The following ALKBH3 variants were observed in gnomAD, a reference collection of about 807,000 sequenced individuals.
ALKBH3 encodes alpha-ketoglutarate-dependent dioxygenase alkB homolog 3.
ALKBH3 carries 51 observed loss-of-function variants against 43.9 expected under a neutral mutation model. That is an observed-to-expected ratio of 1.16 (90% CI 0.93 to 1.47). The LOEUF (loss-of-function observed/expected upper bound fraction) is 1.47. Ranked by LOEUF, ALKBH3 falls within the 40% of genes most tolerant of loss-of-function variation. The pLI, the probability that ALKBH3 is intolerant of heterozygous loss-of-function variation, is 0.00. For synonymous variants in ALKBH3, 102 were observed against 115.2 expected, an observed-to-expected ratio of 0.89 and a Z score of 0.73; for missense variants, 361 against 351.9, an observed-to-expected ratio of 1.03 and a Z score of -0.21.
chr11:43,889,620 T>G, intron 5 of ALKBH3, 105 bp from the exon 6 acceptor site: 3 of 864,502 alleles, frequency 3.5e-6, no homozygotes, highest in Non-Finnish European at 5.5e-6. Context: ...GATGATTTCA[T>G]GTACCCATTA....
intron 8 of ALKBH3, among the ~76,000 whole-genome samples, chr11:43,906,069 A>G (rs1484906527): frequency 6.6e-6 from 1 of 152,232 alleles, no homozygotes; most frequent in African/African-American, 2.4e-5. Flanking sequence ...AATTCTGCAA[A>G]TGTTAGGGGC....
rs138004238 is a variant in ALKBH3, at chr11:43,917,226, C to A, written c.670-1812C>A. On this transcript the variant is annotated intron_variant, in intron 8 of 9. Transcript: ENST00000302708. The stretch of plus-strand genomic sequence containing the variant: ...ACATCACTTTCCATCAGTGCTGATA[C>A]ATTTCGGAATTCTCTTTCACTTGTG... Among the ~76,000 whole-genome samples the A allele has an allele frequency of 2.3e-3, 347 of 152,324 alleles. 1 individual carries two copies. The highest frequency in any genetic ancestry group is 8.0e-3 in the African/African-American group (331 of 41,574).
intron 8 of ALKBH3, among the ~76,000 whole-genome samples, chr11:43,908,054 C>T (rs919198601): frequency 6.6e-6 from 1 of 152,138 alleles, no homozygotes; most frequent in African/African-American, 2.4e-5. Flanking sequence ...TTTTTATTCT[C>T]TGCTTCAGAA....
chr11:43,899,566 C>T (rs976729451), intron 7 of ALKBH3: 6 of 647,980 alleles, frequency 9.3e-6, no homozygotes, highest in South Asian at 6.4e-5. Flanking sequence ...CAGCTAGTGC[C>T]GCACCACCTG....
chr11:43,897,656 A>G, intron 7 of ALKBH3: 1 of 893,970 alleles, frequency 1.1e-6, no homozygotes, highest in South Asian at 1.3e-5. Context: ...ATGCACCAAG[A>G]CTGCTGAAGA....
Position 43,901,727 on chromosome 11 carries a change from T to G in ALKBH3, c.669+2T>G. 6.2e-7 allele frequency: 1 copy of G among 1,614,058 alleles called. No homozygotes were observed. The highest frequency in any genetic ancestry group is 1.1e-5 in the South Asian group (1 of 91,078). Reference sequence around the variant, plus strand: ...GAGATGAGAAAGAAGCCACCACCAGTGAGTATTCTCTTTTTCTTATGCTCT... The same window carrying G: ...GAGATGAGAAAGAAGCCACCACCAGGGAGTATTCTCTTTTTCTTATGCTCT... On this transcript the variant is annotated splice_donor_variant, in intron 8 of 9. Transcript: ENST00000302708. LOFTEE classifies it high-confidence loss of function.
intron 5 of ALKBH3, among the ~76,000 whole-genome samples, chr11:43,887,118 A>G (rs944984143): frequency 1.3e-5 from 2 of 152,084 alleles, no homozygotes; most frequent in African/African-American, 2.4e-5. Flanking sequence ...AAAAAAGTCT[A>G]CTCCCTTATT....
At chr11:43,915,050 A>G (rs964232394) in intron 8 of ALKBH3, among the ~76,000 whole-genome samples, 7 of 150,764 alleles carry the variant, frequency 4.6e-5, no homozygotes, top group Non-Finnish European at 1.0e-4. Context: ...TACTAAAAAT[A>G]AAAAAAAATT....
rs866110701 is a variant in ALKBH3, at chr11:43,897,968, A to C, written c.460-3548A>C. ...GAAGGAGGCATAACCTTTGTGCCCC[A>C]TTGGACTCCACCTTCCATCACGCCC... On this transcript the variant is annotated intron_variant, in intron 7 of 9. Transcript: ENST00000302708. 3.2e-5 allele frequency: 25 copies of C among 789,606 alleles called. No homozygotes were observed. In the Middle Eastern group the frequency reaches 3.8e-3, roughly 121 times the overall value. The allele number at this position is 789,606 out of a possible 1,614,324, so 48.9% of individuals were successfully genotyped here.
chr11:43,895,937 G>A (rs538863095), intron 7 of ALKBH3, among the ~76,000 whole-genome samples: 4 of 152,238 alleles, frequency 2.6e-5, no homozygotes, highest in African/African-American at 9.6e-5. Flanking sequence ...CTTCCCAATA[G>A]TCTTCTTAAT....
intron 7 of ALKBH3, chr11:43,897,593 G>T: frequency 1.2e-6 from 1 of 823,102 alleles, no homozygotes; most frequent in Non-Finnish European, 2.2e-6. Context: ...ATGAATTCAA[G>T]AGTGAAGATG....
intron 7 of ALKBH3, among the ~76,000 whole-genome samples, chr11:43,892,855 A>G (rs1478463626): frequency 6.9e-6 from 1 of 145,984 alleles, no homozygotes; most frequent in Non-Finnish European, 1.6e-5. Flanking sequence ...AGAAATTTGT[A>G]ATTGCAAGCT....
At chr11:43,881,777 T>C (rs1476216338) in intron 1 of ALKBH3, among the ~76,000 whole-genome samples, 1 of 152,154 alleles carries the variant, frequency 6.6e-6, no homozygotes, top group Admixed American at 6.5e-5. Flanking sequence ...TTTGAGAACT[T>C]GAGGTGTGAA....
chr11:43,900,129 G>C lies in ALKBH3; in HGVS notation c.460-1387G>C, dbSNP rs530624403. Among the ~76,000 whole-genome samples the C allele has an allele frequency of 2.7e-5, 4 of 148,190 alleles. No homozygotes were observed. In the Admixed American group the frequency reaches 2.7e-4, roughly 10 times the overall value. ...CTTCTCATCAATTATTCAATTATTT[G>C]TGTTGGAAATTATAGTTATTTTTCA... On this transcript the variant is annotated intron_variant, in intron 7 of 9. Coordinates refer to ENST00000302708, the MANE Select transcript of ALKBH3 (RefSeq NM_139178.4).
In ALKBH3 at chr11:43,884,013, A is replaced by T. The variant is rs34147352; in HGVS notation, c.214A>T (p.Ile72Phe). The T allele has an allele frequency of 4.3e-6, 7 of 1,613,962 alleles. No individual in the cohort carries two copies. The highest frequency in any genetic ancestry group is 5.9e-6 in the Non-Finnish European group (7 of 1,179,924). ...ACGTAGAGCTCCTGAGCCACGAGTG[A>T]TTGAGTAAGTAATTTGCTGTCTTCC... ...VVRRAPEPRV[I>F]DREGVYEISL... Residue 72 changes from isoleucine (I) to phenylalanine (F), a missense_variant, in exon 4 of 10, where the codon ATT becomes TTT. By Grantham distance (21) the Ile-to-Phe change is conservative (BLOSUM62 0). Transcript: ENST00000302708.
intron 8 of ALKBH3, among the ~76,000 whole-genome samples, chr11:43,908,083 A>G (rs929989400): frequency 6.6e-6 from 1 of 152,182 alleles, no homozygotes; most frequent in East Asian, 1.9e-4. Context: ...TGAAAGTGTT[A>G]TTGAGGAGTA....
chr11:43,900,514 GC>G (rs1254942459), intron 7 of ALKBH3, among the ~76,000 whole-genome samples: 3 of 152,076 alleles, frequency 2.0e-5, no homozygotes, highest in African/African-American at 4.8e-5. Context: ...GAGCCATGTT[GC>G]CTGGCCTGTC....
At chr11:43,897,641 T>G (rs893621925) in intron 7 of ALKBH3, 21 of 900,300 alleles carry the variant, frequency 2.3e-5, no homozygotes, top group Admixed American at 2.0e-4. Context: ...GCAAGCTGGA[T>G]GTAGATGCAC....
chr11:43,894,320 T>A (rs143280647), intron 7 of ALKBH3, among the ~76,000 whole-genome samples: 1 of 152,202 alleles, frequency 6.6e-6, no homozygotes, highest in Admixed American at 6.5e-5. Context: ...ATCCACTGAA[T>A]AGGTCCTTTC....
Sources: allele counts gnomAD v4.1 joint callset (sites outside exome capture counted in the v4.1 genomes callset), GRCh38; gene constraint gnomAD v4.1.1; transcripts MANE v1.5; gene names NCBI Gene and HGNC (gene_info 2026-07-23, HGNC 2026-07-21).